Variants in ADAMTS10 observed in about 807,000 individuals in gnomAD.
ADAMTS10 encodes the protein ADAM metallopeptidase with thrombospondin type 1 motif 10.
In ADAMTS10, 48 loss-of-function variants were observed where a neutral mutation model predicts 135.9. The observed-to-expected ratio is 0.35, with a 90% CI of 0.28 to 0.45. The LOEUF is 0.45. Among genes scored for constraint, ADAMTS10 ranks in the 20% least tolerant of loss-of-function variants. ADAMTS10 has a pLI of 1.00. For synonymous variants in ADAMTS10, 621 were observed against 647.5 expected (o/e 0.96, Z 0.62); for missense variants, 1,131 against 1,565.2 (o/e 0.72, Z 4.68).
rs561610880 is a variant in ADAMTS10, at chr19:8,586,398, G to A, written c.2476C>T (p.Pro826Ser). 4 of 1,613,948 alleles carry A rather than the reference G, an allele frequency of 2.5e-6. No homozygotes were observed. In the South Asian group the frequency reaches 4.4e-5, roughly 18 times the overall value. Residue 826 changes from proline (P) to serine (S), a missense_variant, in exon 21 of 26, where the codon CCC becomes TCC. This residue lies in a region of ADAMTS10 where 745 missense variants were observed against 1,056.3 expected (regional missense o/e 0.71). Transcript: ENST00000597188. ...NAPIARDSLP[P>S]YSWHYAPWTK... ...CAGGGCGCATAGTGCCAGGAGTAGG[G>A]GGGCAGCGAGTCACGGGCGATGGGG... is the stretch of plus-strand genomic sequence containing the variant.
rs545679370 is a variant in ADAMTS10 at position 8,596,381 on chromosome 19, G to C, written c.1116C>G (p.Arg372=). ...CCTCATTGACGCTGCAGCTTCTCTC[G>C]CGCTCACACATTCCGCCCACCGGGG... The part of the protein sequence containing the change: ...GLAPVGGMCE[R]ERSCSVNEDI... The change falls in exon 10 of 26, where the codon CGC becomes CGG. Residue 372 remains arginine (R), a synonymous_variant. Transcript: ENST00000597188. This position sits in a 1 kb window ranked among gnomAD's most constrained non-coding sequence, Gnocchi z 7.2. 9.9e-6 allele frequency: 16 copies of C among 1,613,120 alleles called. No individual in the cohort carries two copies. In the East Asian group the frequency reaches 3.3e-4, roughly 34 times the overall value.
In ADAMTS10 at chr19:8,602,185, ATCGTACG is replaced by A. The variant is rs531563565; in HGVS notation, c.593-1047_593-1041del. On this transcript the variant is annotated intron_variant, in intron 5 of 25. Coordinates refer to ENST00000597188, the MANE Select transcript of ADAMTS10 (RefSeq NM_030957.4). The stretch of plus-strand genomic sequence containing the variant: ...GTCTCATGGACCACCCAACTGTGAC[ATCGTACG>A]TCATCCACCTTTTTTCTGTCTGTAC... Among the ~76,000 whole-genome samples the A allele has an allele frequency of 2.6e-4, 39 of 152,320 alleles. No homozygotes were observed. In the South Asian group the frequency reaches 7.9e-3, roughly 31 times the overall value.
chr19:8,581,134 T>A, intron 25 of ADAMTS10, 132 bp from the exon 26 acceptor site: 15 of 110,868 alleles, frequency 1.4e-4, no homozygotes, highest in East Asian at 7.1e-4. Context: ...AATTTACTTT[T>A]TTTTTTTTTT....
rs922648355 is a variant in ADAMTS10 at position 8,592,757 on chromosome 19, G to T, written c.1587+6C>A. ...GGCCCAGTTGGGGGCCCTGGCCGGC[G>T]CTCACCCCCTTGTCGATGGTGTGCG... is the stretch of plus-strand genomic sequence containing the variant. On this transcript the variant is annotated splice_donor_region_variant and intron_variant, in intron 13 of 25. Transcript: ENST00000597188. 6 of 1,609,094 alleles carry T rather than the reference G, an allele frequency of 3.7e-6. 1 individual carries two copies. The African/African-American group carries it at 4.0e-5, about 11-fold the overall frequency.
intron 4 of ADAMTS10, 34 bp from the exon 5 acceptor site, chr19:8,603,918 G>A: frequency 6.3e-7 from 1 of 1,581,168 alleles, no homozygotes; most frequent in Non-Finnish European, 8.6e-7. Context: ...AAAGCTCTCA[G>A]GATCAGGTTC....
chr19:8,591,511 G>A (rs1187056697), intron 15 of ADAMTS10, among the ~76,000 whole-genome samples: 1 of 150,184 alleles, frequency 6.7e-6, no homozygotes, highest in African/African-American at 2.5e-5. Flanking sequence ...GTGCGATCTC[G>A]GCTCACTGCA....
chr19:8,591,834 C>G lies in ADAMTS10; in HGVS notation c.1763G>C (p.Gly588Ala), dbSNP rs782503453. ...RPTIGGKYCL[G>A]ERRRHRSCNT... ...GCAGGAGCGGTGCCGCCTTCTCTCA[C>G]CCAGACAGTACTTGCCCCCGATGGT... The change falls in exon 15 of 26, where the codon GGT (glycine) becomes GCT (alanine). Residue 588 changes from glycine (G) to alanine (A), a missense_variant. By Grantham distance (60) the Gly-to-Ala change is moderately conservative. Around this residue, in one of 3 missense-constraint regions of ADAMTS10, gnomAD observed 745 missense variants for 1,056.3 expected, o/e 0.71. Coordinates refer to ENST00000597188, the MANE Select transcript of ADAMTS10 (RefSeq NM_030957.4). The G allele has an allele frequency of 6.2e-7, 1 of 1,613,820 alleles. No homozygotes were observed. Among genetic ancestry groups the G allele is most frequent in the Non-Finnish European group, 8.5e-7 (1 of 1,180,030 alleles).
rs1054223094 is a variant in ADAMTS10, at chr19:8,586,192, G to C, written c.2590C>G (p.His864Asp). ...AGCTTGCTGTGGGCACTGCAGTAGT[G>C]GGGGGCGACCGCGGAGCTGTCCAGC... ...NQLDSSAVAP[H>D]YCSAHSKLPK... Residue 864 changes from histidine to aspartate, a missense_variant, in exon 22 of 26, where the codon CAC becomes GAC. By Grantham distance (81) the His-to-Asp change is moderately conservative. Around this residue, in one of 3 missense-constraint regions of ADAMTS10, gnomAD observed 745 missense variants for 1,056.3 expected, o/e 0.71. Coordinates refer to ENST00000597188, the MANE Select transcript of ADAMTS10 (RefSeq NM_030957.4). 8.7e-6 allele frequency: 14 copies of C among 1,612,836 alleles called. No homozygotes were observed. The highest frequency in any genetic ancestry group is 5.0e-5 in the Admixed American group (3 of 59,974).
chr19:8,580,960 A>G lies in ADAMTS10; in HGVS notation c.3245T>C (p.Leu1082Pro). The G allele has an allele frequency of 1.2e-6, 2 of 1,613,426 alleles. No homozygotes were observed. Among genetic ancestry groups the G allele is most frequent in the Non-Finnish European group, 1.7e-6 (2 of 1,179,824 alleles). ...GGCTCGGCTGCAGAACTGAAATTTG[A>G]GCACCAGGGGGCAGTAGGCGACCTT... ...VNKVAYCPLV[L>P]KFQFCSRAYF... is the part of the protein sequence containing the mutation. The change falls in exon 26 of 26, where the codon CTC becomes CCC. Residue 1082 changes from leucine (L) to proline (P), a missense_variant. Transcript: ENST00000597188.
chr19:8,582,534 T>G (rs1361861622), intron 25 of ADAMTS10: 2 of 151,914 alleles, frequency 1.3e-5, no homozygotes, highest in Non-Finnish European at 2.9e-5. Flanking sequence ...AGTGGGTGAG[T>G]CAGGGTATTT....
At chr19:8,591,633 G>C (rs1398261987) in intron 15 of ADAMTS10, among the ~76,000 whole-genome samples, 167 bp downstream of exon 15, 1 of 152,010 alleles carries the variant, frequency 6.6e-6, no homozygotes, top group Non-Finnish European at 1.5e-5. Context: ...GTAGAGACGG[G>C]GTTTCACTAT....
intron 12 of ADAMTS10, 145 bp downstream of exon 12, chr19:8,595,617 C>A: frequency 7.6e-7 from 1 of 1,309,238 alleles, no homozygotes; most frequent in Non-Finnish European, 1.1e-6. Flanking sequence ...TCTGTCCTCC[C>A]AGGTCACCAT....
chr19:8,587,654 C>T (rs146639790), intron 18 of ADAMTS10, among the ~76,000 whole-genome samples: 102 of 151,924 alleles, frequency 6.7e-4, no homozygotes, highest in African/African-American at 2.3e-3. Context: ...ATTTTGTAGC[C>T]GGGCACAGTG....
At chr19:8,582,385 G>T (rs766083493) in intron 25 of ADAMTS10, among the ~76,000 whole-genome samples, 1 of 151,820 alleles carries the variant, frequency 6.6e-6, no homozygotes, top group Non-Finnish European at 1.5e-5. Flanking sequence ...GGAGAATGGC[G>T]TGAACCTGGG....
intron 6 of ADAMTS10, among the ~76,000 whole-genome samples, chr19:8,599,984 G>A (rs532962566): frequency 1.5e-4 from 22 of 151,536 alleles, no homozygotes; most frequent in Admixed American, 3.9e-4. Flanking sequence ...ACAGGTGCCC[G>A]CCACCACGCC....
chr19:8,595,976 G>A (rs1431387681), intron 11 of ADAMTS10, 73 bp from the exon 12 acceptor site: 7 of 1,613,726 alleles, frequency 4.3e-6, no homozygotes, highest in Middle Eastern at 1.6e-4. Context: ...AGCTGGATGG[G>A]GGTCCCAGGG....
intron 1 of ADAMTS10, among the ~76,000 whole-genome samples, chr19:8,609,160 G>C (rs1220781073): frequency 7.6e-6 from 1 of 130,730 alleles, no homozygotes; most frequent in African/African-American, 4.3e-5. Flanking sequence ...GCATGTATGT[G>C]AGTGTGTGTG....
chr19:8,608,122 TA>T lies in ADAMTS10; in HGVS notation c.-100+11del, dbSNP rs2042741953. ...CAGCACCTGGCCTCTCTCTCCTTTT[TA>T]TTTTTTTTACCTTTTGGGGGCTTCG... On this transcript the variant is annotated intron_variant, in intron 2 of 25. Coordinates refer to ENST00000597188, the MANE Select transcript of ADAMTS10 (RefSeq NM_030957.4). 1 of 21,922 alleles carries T rather than the reference TA, an allele frequency of 4.6e-5. No individual in the cohort carries two copies. Among genetic ancestry groups the T allele is most frequent in the African/African-American group, 7.1e-5 (1 of 14,020 alleles). 1.4% of individuals were successfully genotyped at this position (21,922 alleles called of 1,614,324 possible).
At chr19:8,592,571 T>C (rs1410172660) in intron 13 of ADAMTS10, among the ~76,000 whole-genome samples, 192 bp downstream of exon 13, 2 of 145,144 alleles carry the variant, frequency 1.4e-5, no homozygotes, top group African/African-American at 5.2e-5. Flanking sequence ...AAGGGACGCA[T>C]AGACGGTGGG....
Sources: allele counts gnomAD v4.1 joint callset (sites outside exome capture counted in the v4.1 genomes callset), GRCh38; gene constraint gnomAD v4.1.1; regional missense constraint gnomAD v4.1.1; non-coding constraint Gnocchi (gnomAD v3.1); transcripts MANE v1.5; gene names NCBI Gene and HGNC (gene_info 2026-07-23, HGNC 2026-07-21).